The following NRXN3 variants were observed in gnomAD, a reference collection of about 807,000 sequenced individuals.
NRXN3 encodes neurexin 3.
Under a neutral mutation model 137.6 loss-of-function variants are expected in NRXN3, and 32 were observed. The observed-to-expected ratio is 0.23, with a 90% CI of 0.18 to 0.31. The LOEUF (loss-of-function observed/expected upper bound fraction) is 0.31, where lower values mean the gene tolerates loss of function less well. Ranked by LOEUF, NRXN3 falls within the 10% of genes least tolerant of loss-of-function variation. The probability of loss-of-function intolerance (pLI) is 1.00; values close to 1 mark genes in which losing one functional copy is unlikely to be tolerated. For synonymous variants in NRXN3, 798 were observed against 784.5 expected (o/e 1.02, Z -0.29); for missense variants, 1,574 against 2,062.5 (o/e 0.76, Z 4.59).
chr14:79,723,092 C>A (rs1181854987), intron 19 of NRXN3, among the ~76,000 whole-genome samples: 1 of 152,098 alleles, frequency 6.6e-6, no homozygotes, highest in Admixed American at 6.6e-5. Flanking sequence ...GAATAGGAGT[C>A]TAGGAAACCT....
intron 4 of NRXN3, among the ~76,000 whole-genome samples, chr14:78,407,577 A>C (rs575465879): frequency 6.6e-6 from 1 of 152,192 alleles, no homozygotes; most frequent in African/African-American, 2.4e-5. Flanking sequence ...GAGGGCCCTC[A>C]GGAGTCCTAG....
intron 8 of NRXN3, among the ~76,000 whole-genome samples, chr14:78,743,980 C>A (rs777517315): frequency 1.3e-5 from 2 of 152,098 alleles, no homozygotes; most frequent in Non-Finnish European, 2.9e-5. Context: ...ACAATAAAAT[C>A]CTGGTTGTTT....
chr14:79,462,800 T>C (rs895997934), intron 15 of NRXN3, among the ~76,000 whole-genome samples: 9 of 135,948 alleles, frequency 6.6e-5, no homozygotes, highest in Non-Finnish European at 1.2e-4. Flanking sequence ...CACACATGCA[T>C]GCACACACAC....
chr14:78,593,609 C>G (rs1179008996), intron 4 of NRXN3, among the ~76,000 whole-genome samples: 2 of 152,094 alleles, frequency 1.3e-5, no homozygotes, highest in African/African-American at 4.8e-5. Flanking sequence ...CTCTGGGTTC[C>G]TTAATACTTG....
intron 1 of NRXN3, among the ~76,000 whole-genome samples, chr14:78,242,142 T>C (rs1301994948): frequency 6.6e-6 from 1 of 152,202 alleles, no homozygotes; most frequent in Non-Finnish European, 1.5e-5. Context: ...TGTGCTGATA[T>C]GGCTTTGGGG....
chr14:79,464,871 A>G (rs1470568103), intron 15 of NRXN3, among the ~76,000 whole-genome samples: 3 of 152,166 alleles, frequency 2.0e-5, no homozygotes, highest in Non-Finnish European at 4.4e-5. Context: ...ATCCCATACA[A>G]TTGTTGCAAA....
chr14:79,543,513 C>G (rs1474140087), intron 16 of NRXN3, among the ~76,000 whole-genome samples: 1 of 152,148 alleles, frequency 6.6e-6, no homozygotes, highest in Non-Finnish European at 1.5e-5. Context: ...TGCCAGTGGA[C>G]CATGTGTGCT....
chr14:79,683,999 G>T (rs2098683440), intron 17 of NRXN3, among the ~76,000 whole-genome samples: 1 of 152,146 alleles, frequency 6.6e-6, no homozygotes, highest in South Asian at 2.1e-4. Flanking sequence ...CTCTTACACA[G>T]AGGAGTTTCA....
chr14:79,298,309 C>A (rs947347741), intron 15 of NRXN3, among the ~76,000 whole-genome samples: 1 of 152,056 alleles, frequency 6.6e-6, no homozygotes, highest in Non-Finnish European at 1.5e-5. Flanking sequence ...GAAGCACCCA[C>A]TTCAGATAAT....
intron 16 of NRXN3, among the ~76,000 whole-genome samples, chr14:79,663,277 C>T (rs923677641): frequency 2.0e-4 from 30 of 151,630 alleles, no homozygotes; most frequent in Admixed American, 7.9e-4. Context: ...TATTTATATA[C>T]ACACACACAT....
At chr14:78,520,621 T>A (rs1271207062) in intron 4 of NRXN3, among the ~76,000 whole-genome samples, 1 of 152,182 alleles carries the variant, frequency 6.6e-6, no homozygotes, top group Non-Finnish European at 1.5e-5. Flanking sequence ...CTGGGTAAAG[T>A]CATTTAGTTT....
At chr14:78,319,507 G>T (rs1051032923) in intron 4 of NRXN3, among the ~76,000 whole-genome samples, 1 of 152,132 alleles carries the variant, frequency 6.6e-6, no homozygotes, top group African/African-American at 2.4e-5. Flanking sequence ...TTCACAGACT[G>T]CCCATTGTAA....
At chr14:78,331,297 A>C (rs2080792287) in intron 4 of NRXN3, among the ~76,000 whole-genome samples, 1 of 152,132 alleles carries the variant, frequency 6.6e-6, no homozygotes, top group Non-Finnish European at 1.5e-5. Context: ...TTTCTATCAT[A>C]CCCTTCTCCC....
At chr14:78,632,090 GGCGACAGA>G (rs2097527843) in intron 4 of NRXN3, among the ~76,000 whole-genome samples, 2 of 150,594 alleles carry the variant, frequency 1.3e-5, no homozygotes, top group South Asian at 4.2e-4. Flanking sequence ...CTCCAGCCTG[GGCGACAGA>G]GCGAGACTCC....
intron 4 of NRXN3, among the ~76,000 whole-genome samples, chr14:78,516,756 G>T (rs933944193): frequency 4.6e-5 from 7 of 152,088 alleles, no homozygotes; most frequent in African/African-American, 1.7e-4. Context: ...ATATTTGAGA[G>T]ATTTTTTTGA....
At position 79,438,004 on chromosome 14, in the gene NRXN3, G is replaced by T. The variant is rs563163910; in HGVS notation, c.3263-29217G>T. Among the ~76,000 whole-genome samples the T allele has an allele frequency of 8.5e-5, 13 of 152,164 alleles. No homozygotes were observed. The South Asian group carries it at 2.7e-3, about 32-fold the overall frequency. ...TTTTTGATTATTTTTGTACCCCCAG[G>T]CCTCAGCGTGGCTTCTCTTGCAATA... On this transcript the variant is annotated intron_variant, in intron 15 of 20. Transcript: ENST00000335750.
In NRXN3 at chr14:79,815,554, G is replaced by A. The variant is rs115616341; in HGVS notation, c.4093+10364G>A. 9.5e-3 allele frequency among the ~76,000 whole-genome samples: 1,439 copies of A among 152,050 alleles called. 27 individuals are homozygous for A. Among genetic ancestry groups the A allele is most frequent in the African/African-American group, 0.033 (1,355 of 41,478 alleles). On this transcript the variant is annotated intron_variant, in intron 20 of 20. Transcript: ENST00000335750. ...AACAACTTTCTGATGAAAGAAGGAA[G>A]GGAAACAAGAAAGGCGAAGAAAGAG...
intron 19 of NRXN3, among the ~76,000 whole-genome samples, chr14:79,800,682 A>G (rs571463230): frequency 3.2e-4 from 49 of 152,302 alleles, no homozygotes; most frequent in South Asian, 3.1e-3. Context: ...GAAAGCAATC[A>G]AAGAAGTGTG....
At chr14:78,696,826 C>G (rs1439953397) in intron 6 of NRXN3, among the ~76,000 whole-genome samples, 1 of 152,016 alleles carries the variant, frequency 6.6e-6, no homozygotes, top group Non-Finnish European at 1.5e-5. Context: ...GAACAATGAC[C>G]AACCCATAGG....
Sources: allele counts gnomAD v4.1 joint callset (sites outside exome capture counted in the v4.1 genomes callset), GRCh38; gene constraint gnomAD v4.1.1; transcripts MANE v1.5; gene names NCBI Gene and HGNC (gene_info 2026-07-23, HGNC 2026-07-21).